Variants in MAD1L1 observed in about 807,000 individuals in gnomAD.
MAD1L1 encodes the protein mitotic spindle assembly checkpoint protein MAD1.
MAD1L1 carries 95 observed loss-of-function variants against 96.9 expected under a neutral mutation model. The observed-to-expected ratio is 0.98, with a 90% CI of 0.83 to 1.16. The LOEUF (loss-of-function observed/expected upper bound fraction) is 1.16. MAD1L1 is among the 50% of genes most tolerant of loss of function. The pLI, the probability that MAD1L1 is intolerant of heterozygous loss-of-function variation, is 0.00. For missense variants in MAD1L1, 1,007 were observed against 954.4 expected (o/e 1.06, Z -0.73); for synonymous variants, 473 against 396.6 (o/e 1.19, Z -2.29).
intron 4 of MAD1L1, chr7:2,223,479 C>T (rs150045896): frequency 2.0e-5 from 3 of 152,376 alleles, no homozygotes; most frequent in African/African-American, 7.2e-5. Flanking sequence ...CCCGGCACTC[C>T]GGGACCCTCT....
chr7:2,014,165 G>A (rs1782425015), intron 13 of MAD1L1, among the ~76,000 whole-genome samples: 1 of 152,198 alleles, frequency 6.6e-6, no homozygotes, highest in Non-Finnish European at 1.5e-5. Context: ...CTTGGCAGAT[G>A]CCCCTCACAG....
intron 18 of MAD1L1, among the ~76,000 whole-genome samples, chr7:1,891,318 G>GA (rs1786525144): frequency 6.6e-6 from 1 of 152,112 alleles, no homozygotes; most frequent in Admixed American, 6.5e-5. Context: ...CAGGTCAGGA[G>GA]ATTGAGACCA....
rs547161576 is a variant in MAD1L1 at position 2,133,131 on chromosome 7, T to G, written c.1073+16021A>C. On this transcript the variant is annotated intron_variant, in intron 11 of 18. Coordinates refer to ENST00000265854, the MANE Select transcript of MAD1L1 (RefSeq NM_001013836.2). The stretch of plus-strand genomic sequence containing the variant: ...GGCACCTGTTCAGAGCTCACCCATT[T>G]TCAATGCTGAGCATCTCCTCATGTG... Among the ~76,000 whole-genome samples, 4 of 150,680 alleles carry G rather than the reference T, an allele frequency of 2.7e-5. No homozygotes were observed. In the East Asian group the frequency reaches 7.8e-4, roughly 30 times the overall value.
At chr7:2,006,179 G>A (rs186296011) in intron 13 of MAD1L1, among the ~76,000 whole-genome samples, 5 of 152,272 alleles carry the variant, frequency 3.3e-5, no homozygotes, top group Admixed American at 2.0e-4. Flanking sequence ...ATGGAACACC[G>A]AGAGAACACA....
At chr7:1,883,292 G>A (rs1279742706) in intron 18 of MAD1L1, among the ~76,000 whole-genome samples, 2 of 152,092 alleles carry the variant, frequency 1.3e-5, no homozygotes, top group East Asian at 3.9e-4. Flanking sequence ...CCCCCACCAT[G>A]AGCTCCTTAA....
chr7:1,847,236 T>G (rs6978048), intron 18 of MAD1L1: 153,428 of 470,232 alleles, frequency 0.33, 26,972 homozygotes, highest in East Asian at 0.45. Context: ...ACGCTTGTCC[T>G]TTTCTGTTTA....
At chr7:2,206,891 G>A (rs1485367590) in intron 10 of MAD1L1, among the ~76,000 whole-genome samples, 1 of 152,104 alleles carries the variant, frequency 6.6e-6, no homozygotes. Context: ...AGACCAGCCT[G>A]ACCAACATGG....
rs1786939111 is a variant in MAD1L1, at chr7:2,103,712, G to C, written c.1074-34374C>G. ...GGAGCCAGGGAGGCGGCTACTCAGA[G>C]GGCAGGTGCTGTCCTCCTCCCTGCC... On this transcript the variant is annotated intron_variant, in intron 11 of 18. Transcript: ENST00000265854. This position sits in a 1 kb window ranked among gnomAD's most constrained non-coding sequence, Gnocchi z 4.3. Among the ~76,000 whole-genome samples the C allele has an allele frequency of 6.6e-6, 1 of 152,188 alleles. No individual in the cohort carries two copies. Among genetic ancestry groups the C allele is most frequent in the Non-Finnish European group, 1.5e-5 (1 of 68,026 alleles).
intron 16 of MAD1L1, among the ~76,000 whole-genome samples, chr7:1,955,378 C>A (rs1166431703): frequency 6.6e-6 from 1 of 152,146 alleles, no homozygotes; most frequent in Admixed American, 6.5e-5. Context: ...GCAATCTCTG[C>A]CTCCTGGGTT....
At chr7:1,874,536 T>G (rs1785276594) in intron 18 of MAD1L1, 2 of 454,786 alleles carry the variant, frequency 4.4e-6, no homozygotes, top group African/African-American at 4.0e-5. Flanking sequence ...TGTGGCTGAG[T>G]GCGGCTTCCT....
chr7:1,941,444 T>G (rs1778993266), intron 16 of MAD1L1, among the ~76,000 whole-genome samples: 1 of 152,162 alleles, frequency 6.6e-6, no homozygotes, highest in Non-Finnish European at 1.5e-5. Context: ...GGAAACCAAA[T>G]CAAAACAGAG....
At chr7:2,086,387 G>T (rs1584285362) in intron 11 of MAD1L1, among the ~76,000 whole-genome samples, 1 of 152,320 alleles carries the variant, frequency 6.6e-6, no homozygotes, top group East Asian at 1.9e-4. Flanking sequence ...GGGAAGTGCT[G>T]CCAGTGACCT....
At chr7:2,164,594 G>T (rs1370916879) in intron 10 of MAD1L1, among the ~76,000 whole-genome samples, 15 of 18,786 alleles carry the variant, frequency 8.0e-4, no homozygotes, top group African/African-American at 2.6e-3. Context: ...CAGGAAAAAT[G>T]GGGGGGGGGG....
intron 17 of MAD1L1, among the ~76,000 whole-genome samples, chr7:1,913,293 C>G (rs1462628139): frequency 6.7e-6 from 1 of 149,332 alleles, no homozygotes; most frequent in Non-Finnish European, 1.5e-5. Flanking sequence ...GAGCAGGGTT[C>G]TGGGCGGGGT....
intron 11 of MAD1L1, among the ~76,000 whole-genome samples, chr7:2,127,070 C>A (rs1788266880): frequency 6.6e-6 from 1 of 152,188 alleles, no homozygotes; most frequent in Non-Finnish European, 1.5e-5. Flanking sequence ...GGGATGAAGA[C>A]ATCTGAACAC....
At chr7:1,822,364 T>G (rs1425193530) in intron 18 of MAD1L1, among the ~76,000 whole-genome samples, 1 of 151,362 alleles carries the variant, frequency 6.6e-6, no homozygotes, top group Non-Finnish European at 1.5e-5. Flanking sequence ...ACTGGAAGAC[T>G]TATAGTAAAT....
intron 18 of MAD1L1, among the ~76,000 whole-genome samples, chr7:1,865,404 C>T (rs1784732930): frequency 6.6e-6 from 1 of 152,260 alleles, no homozygotes; most frequent in South Asian, 2.1e-4. Context: ...AGCCCTGCTG[C>T]TGCCCGGCTG....
At chr7:2,218,866 T>C (rs1248252894) in intron 6 of MAD1L1, among the ~76,000 whole-genome samples, 1 of 151,116 alleles carries the variant, frequency 6.6e-6, no homozygotes, top group Non-Finnish European at 1.5e-5. Flanking sequence ...GCCACTGCAC[T>C]CCAGCCTGGG....
rs193286836 is a variant in MAD1L1 at position 1,885,939 on chromosome 7, C to T, written c.1998+12261G>A. ...TCTGGCCCCAGCCCTGGGGGCCACA[C>T]GCCTGGCTTCCCATTCTATGCCCCC... On this transcript the variant is annotated intron_variant, in intron 18 of 18. Transcript: ENST00000265854. 2.0e-4 allele frequency among the ~76,000 whole-genome samples: 31 copies of T among 152,390 alleles called. 1 individual carries two copies. The East Asian group carries it at 5.4e-3, about 27-fold the overall frequency.
Sources: gnomAD v4.1 joint callset for allele counts (sites outside exome capture counted in the v4.1 genomes callset) on GRCh38, gnomAD v4.1.1 for gene constraint, Gnocchi (gnomAD v3.1) non-coding constraint, MANE v1.5 for transcripts, NCBI Gene and HGNC (gene_info 2026-07-23, HGNC 2026-07-21) for gene names.